The following ELMO1 variants were observed in gnomAD, a reference collection of about 807,000 sequenced individuals.
ELMO1 encodes the protein engulfment and cell motility 1.
A neutral mutation model predicts 98.9 loss-of-function variants in ELMO1; 26 were observed. The ratio of observed to expected loss-of-function variants is 0.26; its 90% CI spans 0.19 to 0.36. The LOEUF (loss-of-function observed/expected upper bound fraction) is 0.36. Ranked by LOEUF, ELMO1 falls within the 10% of genes least tolerant of loss-of-function variation. The probability of loss-of-function intolerance (pLI) is 1.00; values close to 1 mark genes in which losing one functional copy is unlikely to be tolerated. For synonymous variants in ELMO1, 346 were observed against 346.0 expected, an observed-to-expected ratio of 1.00 and a Z score of 0.00; for missense variants, 627 against 935.2, an observed-to-expected ratio of 0.67 and a Z score of 4.30.
At chr7:37,094,284 G>T (rs1784263923) in intron 15 of ELMO1, among the ~76,000 whole-genome samples, 1 of 152,200 alleles carries the variant, frequency 6.6e-6, no homozygotes, top group South Asian at 2.1e-4. Flanking sequence ...GAAGGTGGGA[G>T]ATGGAACAGT....
At chr7:37,006,149 T>A (rs1793105997) in intron 16 of ELMO1, among the ~76,000 whole-genome samples, 1 of 152,192 alleles carries the variant, frequency 6.6e-6, no homozygotes, top group South Asian at 2.1e-4. Flanking sequence ...CAAAATCCCC[T>A]CTGTGGCCAA....
intron 4 of ELMO1, among the ~76,000 whole-genome samples, chr7:37,292,755 C>T (rs1437196170): frequency 9.6e-6 from 1 of 104,690 alleles, no homozygotes; most frequent in African/African-American, 3.3e-5. Flanking sequence ...CAGCCCCCCG[C>T]CCGGCCAGCC....
intron 13 of ELMO1, among the ~76,000 whole-genome samples, chr7:37,175,027 A>G (rs1487568180): frequency 1.3e-5 from 2 of 152,158 alleles, no homozygotes; most frequent in African/African-American, 4.8e-5. Context: ...GCGAAGTGGG[A>G]CCCGAGATAA....
Position 37,405,182 on chromosome 7 carries a change from C to G in ELMO1, c.-74+43493G>C, listed in dbSNP as rs1339265767. On this transcript the variant is annotated intron_variant, in intron 1 of 21. Transcript: ENST00000310758. ...CTTTCCCAAGAATAAGGCATGGATG[C>G]TTTTTATACTTCAAGACCAAAACAA... is the stretch of plus-strand genomic sequence containing the variant. Among the ~76,000 whole-genome samples, 3 of 144,890 alleles carry G rather than the reference C, an allele frequency of 2.1e-5. No homozygotes were observed. The East Asian group carries it at 6.7e-4, about 32-fold the overall frequency.
chr7:37,197,951 G>C (rs912119973), intron 13 of ELMO1, among the ~76,000 whole-genome samples: 2 of 152,148 alleles, frequency 1.3e-5, no homozygotes, highest in African/African-American at 4.8e-5. Context: ...ATCGTGGATG[G>C]AGTCATCCAA....
At chr7:37,168,847 G>A (rs1789940353) in intron 13 of ELMO1, among the ~76,000 whole-genome samples, 1 of 152,180 alleles carries the variant, frequency 6.6e-6, no homozygotes. Context: ...TGCGTGCTGG[G>A]AGAACCACTG....
At chr7:36,915,725 C>A (rs941299317) in intron 16 of ELMO1, among the ~76,000 whole-genome samples, 4 of 152,212 alleles carry the variant, frequency 2.6e-5, no homozygotes, top group East Asian at 3.8e-4. Context: ...GAGATGCTAA[C>A]AGCTGAGTCA....
intron 20 of ELMO1, chr7:36,862,127 A>ACAAG (rs1802688045): frequency 9.2e-6 from 2 of 216,488 alleles, no homozygotes. Context: ...AAACAAACAA[A>ACAAG]CAAACAAACA....
intron 15 of ELMO1, among the ~76,000 whole-genome samples, chr7:37,059,293 G>C (rs750166871): frequency 6.6e-6 from 1 of 152,214 alleles, no homozygotes; most frequent in African/African-American, 2.4e-5. Context: ...TGCAGTGCTT[G>C]TCAAGAGTGG....
At chr7:37,402,361 T>C (rs147023927) in intron 1 of ELMO1, among the ~76,000 whole-genome samples, 75 of 152,186 alleles carry the variant, frequency 4.9e-4, no homozygotes, top group African/African-American at 1.7e-3. Context: ...CAGAACCCAT[T>C]TGGGGTCAGT....
chr7:36,895,922 G>C (rs1317288200), intron 16 of ELMO1, among the ~76,000 whole-genome samples: 1 of 152,132 alleles, frequency 6.6e-6, no homozygotes, highest in African/African-American at 2.4e-5. Flanking sequence ...AACCTATGAG[G>C]TAGATATTAC....
intron 1 of ELMO1, among the ~76,000 whole-genome samples, chr7:37,365,475 C>A (rs1801867601): frequency 6.6e-6 from 1 of 152,190 alleles, no homozygotes; most frequent in Non-Finnish European, 1.5e-5. Flanking sequence ...CCTGAAGAAG[C>A]TCTCCCGCTG....
intron 1 of ELMO1, among the ~76,000 whole-genome samples, chr7:37,435,586 TTC>T (rs1455382260): frequency 6.6e-6 from 1 of 152,250 alleles, no homozygotes; most frequent in East Asian, 1.9e-4. Flanking sequence ...TCTGAGAATT[TTC>T]ACAACTTCTT....
intron 1 of ELMO1, among the ~76,000 whole-genome samples, chr7:37,416,548 T>G (rs888873462): frequency 6.6e-6 from 1 of 152,206 alleles, no homozygotes; most frequent in African/African-American, 2.4e-5. Flanking sequence ...CCCCTGGAAC[T>G]GGATAATGCA....
intron 2 of ELMO1, among the ~76,000 whole-genome samples, chr7:37,334,734 A>G (rs1211988617): frequency 2.0e-5 from 3 of 152,250 alleles, no homozygotes; most frequent in Non-Finnish European, 4.4e-5. Context: ...GTTTTACTCA[A>G]TGAGCTTTTC....
At chr7:37,070,660 T>A (rs1211964476) in intron 15 of ELMO1, among the ~76,000 whole-genome samples, 1 of 152,200 alleles carries the variant, frequency 6.6e-6, no homozygotes, top group African/African-American at 2.4e-5. Flanking sequence ...GTCTGGCCAT[T>A]CCTGGCTTCT....
At chr7:37,416,061 GT>G (rs1227680023) in intron 1 of ELMO1, among the ~76,000 whole-genome samples, 1 of 152,194 alleles carries the variant, frequency 6.6e-6, no homozygotes, top group Non-Finnish European at 1.5e-5. Flanking sequence ...TCAAACCTGT[GT>G]TTTCAGATTT....
chr7:37,316,688 C>T (rs1799181566), intron 2 of ELMO1, among the ~76,000 whole-genome samples: 1 of 152,158 alleles, frequency 6.6e-6, no homozygotes, highest in South Asian at 2.1e-4. Context: ...GTTTTGGATG[C>T]AAACAAGACC....
chr7:37,290,301 A>C (rs922606514), intron 4 of ELMO1, among the ~76,000 whole-genome samples: 12 of 152,212 alleles, frequency 7.9e-5, no homozygotes, highest in Admixed American at 5.2e-4. Flanking sequence ...AGCTGATGTA[A>C]AAGGAAAGGC....
Sources: allele counts gnomAD v4.1 joint callset (sites outside exome capture counted in the v4.1 genomes callset), GRCh38; gene constraint gnomAD v4.1.1; transcripts MANE v1.5; gene names NCBI Gene and HGNC (gene_info 2026-07-23, HGNC 2026-07-21).